ADRM1: variants seen among roughly 807,000 people sequenced by gnomAD.
The protein encoded by ADRM1 is proteasomal ubiquitin receptor ADRM1.
In ADRM1, 2 loss-of-function variants were observed where a neutral mutation model predicts 40.1. The ratio of observed to expected loss-of-function variants is 0.05; its 90% CI spans 0.02 to 0.16. The LOEUF (loss-of-function observed/expected upper bound fraction) is 0.16, where lower values mean the gene tolerates loss of function less well. Among genes scored for constraint, ADRM1 ranks in the 10% least tolerant of loss-of-function variants. ADRM1 has a pLI of 1.00. For missense variants in ADRM1, 467 were observed against 552.5 expected (o/e 0.85, Z 1.55); for synonymous variants, 287 against 240.4 (o/e 1.19, Z -1.79).
At position 62,307,669 on chromosome 20, in the gene ADRM1, G is replaced by T. The variant is rs779683817; in HGVS notation, c.697G>T (p.Ala233Ser). ...SSTRATPAPS[A>S]PAAASATSPS... Reference sequence around the variant, plus strand: ...CACCCGTGCCACCCCAGCCCCTTCTGCTCCAGCAGCTGCCTCAGCAACTAG... The same window carrying T: ...CACCCGTGCCACCCCAGCCCCTTCTTCTCCAGCAGCTGCCTCAGCAACTAG... The change falls in exon 7 of 10, where the codon GCT becomes TCT. Residue 233 changes from alanine to serine, a missense_variant. Physicochemically the swap from Ala to Ser is moderately conservative, Grantham distance 99. This residue lies in a region of ADRM1 where 418 missense variants were observed against 474.6 expected (regional missense o/e 0.88). Coordinates refer to ENST00000253003, the MANE Select transcript of ADRM1 (RefSeq NM_007002.4). The T allele has an allele frequency of 6.2e-7, 1 of 1,612,220 alleles. No homozygotes were observed. The highest frequency in any genetic ancestry group is 1.1e-5 in the South Asian group (1 of 91,064).
intron 9 of ADRM1, 78 bp downstream of exon 9, chr20:62,308,548 G>T: frequency 6.4e-7 from 1 of 1,558,200 alleles, no homozygotes; most frequent in Non-Finnish European, 8.7e-7. Flanking sequence ...TGCAGAAGTG[G>T]GGCTGAGGGG....
Position 62,307,707 on chromosome 20 carries a change from G to A in ADRM1, c.735G>A (p.Ala245=), listed in dbSNP as rs115525800. 5,100 of 1,612,068 alleles carry A rather than the reference G, an allele frequency of 3.2e-3. 101 individuals are homozygous for A. In the African/African-American group the frequency reaches 0.048, roughly 15 times the overall value. The stretch of plus-strand genomic sequence containing the variant: ...CCTCAGCAACTAGCCCGAGCCCCGC[G>A]CCCAGTTCCGGGAATGGAGCCAGCA... ...AAASATSPSP[A]PSSGNGASTA... Residue 245 remains alanine (A), a synonymous_variant, in exon 7 of 10, where the codon GCG becomes GCA. Transcript: ENST00000253003.
rs757056707 is a variant in ADRM1, at chr20:62,307,831, A to T, written c.856+3A>T. ...CGGGCCAGCAGGCGGCCAGCAAGGT[A>T]ACGTGTGCTGTCGCCTGGAGCTGGG... On this transcript the variant is annotated splice_donor_region_variant and intron_variant, in intron 7 of 9. Transcript: ENST00000253003. The T allele has an allele frequency of 6.2e-7, 1 of 1,601,800 alleles. No homozygotes were observed. Among genetic ancestry groups the T allele is most frequent in the Non-Finnish European group, 8.5e-7 (1 of 1,175,028 alleles).
chr20:62,306,188 C>T lies in ADRM1; in HGVS notation c.331-9C>T, dbSNP rs781715803. 6.6e-5 allele frequency: 106 copies of T among 1,606,552 alleles called. No homozygotes were observed. The highest frequency in any genetic ancestry group is 1.7e-4 in the Middle Eastern group (1 of 6,060). On this transcript the variant is annotated splice_polypyrimidine_tract_variant and intron_variant, in intron 3 of 9. Transcript: ENST00000253003. ...CAGCTCCTGCCCTTACATGCCCTTC[C>T]TCTTGCAGGAACCCAAGACAGACCA...
chr20:62,304,884 ACT>A (rs2145999200), intron 3 of ADRM1, among the ~76,000 whole-genome samples: 1 of 152,334 alleles, frequency 6.6e-6, no homozygotes, highest in African/African-American at 2.4e-5. Flanking sequence ...GCCGTGGGTC[ACT>A]GAGGCCCCCA....
chr20:62,303,567 G>A lies in ADRM1; in HGVS notation c.-1-1G>A. On this transcript the variant is annotated splice_acceptor_variant, in intron 1 of 9. Transcript: ENST00000253003. LOFTEE classifies it low-confidence loss of function (5UTR_SPLICE). ...TCTCAGCGTCCTCTCCGCGCTTTCA[G>A]GATGACGACCTCAGGCGCGCTCTTT... 1 of 1,568,116 alleles carries A rather than the reference G, an allele frequency of 6.4e-7. No homozygotes were observed.
chr20:62,308,572 C>CCCTT, intron 9 of ADRM1, 83 bp from the exon 10 acceptor site: 9 of 1,568,996 alleles, frequency 5.7e-6, no homozygotes, highest in Non-Finnish European at 7.8e-6. Flanking sequence ...AAGGTCACAG[C>CCCTT]CCTTCTGCCC....
intron 2 of ADRM1, 42 bp downstream of exon 2, chr20:62,303,823 C>T: frequency 5.0e-6 from 8 of 1,587,100 alleles, no homozygotes; most frequent in South Asian, 4.4e-5. Flanking sequence ...GGCGACTTCT[C>T]GGGCCCTCGG....
intron 8 of ADRM1, 48 bp downstream of exon 8, chr20:62,308,226 G>A (rs1284242016): frequency 1.9e-6 from 3 of 1,568,078 alleles, no homozygotes; most frequent in Non-Finnish European, 2.6e-6. Flanking sequence ...CAGGGAGTGG[G>A]CAGGGGGGAG....
At chr20:62,305,971 C>T (rs1297079708) in intron 3 of ADRM1, 22 of 557,026 alleles carry the variant, frequency 3.9e-5, no homozygotes, top group South Asian at 2.1e-4. Flanking sequence ...AGGGCACACC[C>T]GGGATTGCGG....
intron 3 of ADRM1, 143 bp downstream of exon 3, chr20:62,304,720 G>A: frequency 3.8e-6 from 3 of 789,030 alleles, no homozygotes; most frequent in Non-Finnish European, 6.4e-6. Context: ...CCACCTCAGG[G>A]CTGCGGTGCA....
At chr20:62,306,868 C>G in intron 5 of ADRM1, 134 bp downstream of exon 5, 1 of 914,778 alleles carries the variant, frequency 1.1e-6, no homozygotes, top group East Asian at 2.7e-5. Context: ...AGCTGGTTCC[C>G]CTTTGGGAAT....
rs777460073 is a variant in ADRM1, at chr20:62,307,819, G to A, written c.847G>A (p.Gly283Ser). ...TMNVPAGPAG[G>S]QQVDLASVLT... ...GAACGTACCAGCCGGGCCAGCAGGC[G>A]GCCAGCAAGGTAACGTGTGCTGTCG... Residue 283 changes from glycine to serine, a missense_variant, in exon 7 of 10, where the codon GGC (glycine) becomes AGC (serine). Coordinates refer to ENST00000253003, the MANE Select transcript of ADRM1 (RefSeq NM_007002.4). 4.4e-6 allele frequency: 7 copies of A among 1,606,478 alleles called. No homozygotes were observed. Among genetic ancestry groups the A allele is most frequent in the Middle Eastern group, 1.7e-4 (1 of 6,042 alleles).
intron 5 of ADRM1, 145 bp from the exon 6 acceptor site, chr20:62,307,226 C>T (rs771618516): frequency 4.0e-6 from 3 of 743,744 alleles, no homozygotes; most frequent in Non-Finnish European, 6.4e-6. Flanking sequence ...CCCCACGCCG[C>T]TCCTCCAGGC....
chr20:62,305,414 A>G (rs1275665862), intron 3 of ADRM1: 2 of 152,262 alleles, frequency 1.3e-5, no homozygotes, highest in East Asian at 1.9e-4. Flanking sequence ...GCGGCCTGAG[A>G]AAATGAACAG....
chr20:62,303,904 T>G, intron 2 of ADRM1, 123 bp downstream of exon 2: 2 of 924,850 alleles, frequency 2.2e-6, no homozygotes, highest in Non-Finnish European at 3.3e-6. Flanking sequence ...CGTCATCGAC[T>G]GCCCTGCTGA....
In ADRM1 at chr20:62,307,704, C is replaced by T. The variant is rs369040492; in HGVS notation, c.732C>T (p.Pro244=). Residue 244 remains proline (P), a synonymous_variant, in exon 7 of 10, where the codon CCC becomes CCT. Coordinates refer to ENST00000253003, the MANE Select transcript of ADRM1 (RefSeq NM_007002.4). ...PAAASATSPS[P]APSSGNGAST... ...CTGCCTCAGCAACTAGCCCGAGCCC[C>T]GCGCCCAGTTCCGGGAATGGAGCCA... 3.0e-5 allele frequency: 48 copies of T among 1,612,114 alleles called. No homozygotes were observed. Among genetic ancestry groups the T allele is most frequent in the Middle Eastern group, 1.6e-4 (1 of 6,084 alleles).
rs750513470 is a variant in ADRM1, at chr20:62,307,444, C to T, written c.615C>T (p.Ser205=). ...GCAGTGGGCCTCCAGGGAGCAGCTCCTCCTCCAGGTGAGCCTCATCGCTCC... is the reference window on the plus strand; with the variant it reads ...GCAGTGGGCCTCCAGGGAGCAGCTCTTCCTCCAGGTGAGCCTCATCGCTCC... ...LGSSGPPGSS[S]SSSSRSQSAA... Residue 205 remains serine (S), a synonymous_variant, in exon 6 of 10, where the codon TCC becomes TCT. Transcript: ENST00000253003. The T allele has an allele frequency of 1.1e-5, 17 of 1,609,284 alleles. No homozygotes were observed. The highest frequency in any genetic ancestry group is 1.3e-5 in the African/African-American group (1 of 74,962).
In ADRM1 at chr20:62,307,838, G is replaced by A; in HGVS notation, c.856+10G>A. On this transcript the variant is annotated intron_variant, in intron 7 of 9. Coordinates refer to ENST00000253003, the MANE Select transcript of ADRM1 (RefSeq NM_007002.4). The stretch of plus-strand genomic sequence containing the variant: ...GCAGGCGGCCAGCAAGGTAACGTGT[G>A]CTGTCGCCTGGAGCTGGGTGGGGGG... The A allele has an allele frequency of 6.3e-7, 1 of 1,591,452 alleles. No homozygotes were observed. Among genetic ancestry groups the A allele is most frequent in the Non-Finnish European group, 8.5e-7 (1 of 1,169,908 alleles).
Sources: allele counts gnomAD v4.1 joint callset (sites outside exome capture counted in the v4.1 genomes callset), GRCh38; gene constraint gnomAD v4.1.1; regional missense constraint gnomAD v4.1.1; transcripts MANE v1.5; gene names NCBI Gene and HGNC (gene_info 2026-07-23, HGNC 2026-07-21).